The following ACOT9 variants were observed in gnomAD, a reference collection of about 807,000 sequenced individuals.
ACOT9 encodes the protein acyl-CoA thioesterase 9, also known as acyl-coenzyme A thioesterase 9, mitochondrial.
ACOT9 carries 34 observed loss-of-function variants against 39.7 expected under a neutral mutation model. That is an observed-to-expected ratio of 0.86 (90% CI 0.65 to 1.14). ACOT9 has a LOEUF of 1.14. Among genes scored for constraint, ACOT9 ranks in the 50% most tolerant of loss-of-function variants. The pLI, the probability that ACOT9 is intolerant of heterozygous loss-of-function variation, is 0.00. For synonymous variants in ACOT9, 110 were observed against 120.5 expected, an observed-to-expected ratio of 0.91 and a Z score of 0.57; for missense variants, 313 against 344.1, an observed-to-expected ratio of 0.91 and a Z score of 0.71.
chrX:23,742,432 G>A (rs977217096), intron 1 of ACOT9, among the ~76,000 whole-genome samples: 1 of 110,855 alleles, frequency 9.0e-6, no homozygotes, highest in African/African-American at 3.3e-5. Context: ...TCGGGTGAAA[G>A]GGATTAGGGA....
chrX:23,738,484 C>G (rs774587198), intron 1 of ACOT9, among the ~76,000 whole-genome samples: 3 of 109,858 alleles, frequency 2.7e-5, no homozygotes, highest in Non-Finnish European at 5.7e-5. Context: ...TGGCGCACAC[C>G]TGTAGTCCCA....
intron 8 of ACOT9, among the ~76,000 whole-genome samples, chrX:23,719,224 C>T (rs1040761388): frequency 9.0e-6 from 1 of 111,578 alleles, no homozygotes; most frequent in Non-Finnish European, 1.9e-5. Context: ...AAGCTGAGAT[C>T]GCGCCACTAC....
chrX:23,717,667 A>G (rs924322089), intron 8 of ACOT9, among the ~76,000 whole-genome samples: 6 of 111,303 alleles, frequency 5.4e-5, no homozygotes, highest in Admixed American at 2.9e-4. Flanking sequence ...CATACTGTTT[A>G]TTGGAACTTG....
chrX:23,723,943 G>T (rs1313011120), intron 6 of ACOT9, among the ~76,000 whole-genome samples: 1 of 112,363 alleles, frequency 8.9e-6, no homozygotes, highest in African/African-American at 3.2e-5. Context: ...GCTTGCATAG[G>T]TAAGCGTGGT....
intron 6 of ACOT9, among the ~76,000 whole-genome samples, chrX:23,727,682 TAAC>T (rs1466050862): frequency 1.8e-5 from 2 of 109,178 alleles, no homozygotes; most frequent in African/African-American, 6.7e-5. Context: ...GGCGTAAGCT[TAAC>T]AACAAGCTTG....
chrX:23,730,555 C>A lies in ACOT9; in HGVS notation c.372G>T (p.Arg124Ser). 1 of 1,207,891 alleles carries A rather than the reference C, an allele frequency of 8.3e-7. No homozygotes were observed. The highest frequency in any genetic ancestry group is 1.1e-6 in the Non-Finnish European group (1 of 892,486). The change falls in exon 6 of 16, where the codon AGG becomes AGT. Residue 124 changes from arginine to serine, a missense_variant. Physicochemically the swap from Arg to Ser is moderately radical, Grantham distance 110. Coordinates refer to ENST00000379303, the MANE Select transcript of ACOT9 (RefSeq NM_001037171.2). ...CCAAGCTGTCAAGATCCTCAAGAAT[C>A]CTGCCAAATCTGTGAAATAAAGCAA... Reference protein sequence around the residue: ...LTVQNTVRFGRILEDLDSLGV... With the variant: ...LTVQNTVRFGSILEDLDSLGV...
At chrX:23,704,650 G>A (rs1395001313) in intron 15 of ACOT9, 44 bp downstream of exon 15, 11 of 1,181,239 alleles carry the variant, frequency 9.3e-6, no homozygotes, top group Non-Finnish European at 1.3e-5. Flanking sequence ...AATGTCCTTA[G>A]AAGTTCTTCC....
rs915139783 is a variant in ACOT9, at chrX:23,703,730, G to T, written c.*164C>A. On this transcript the variant is annotated 3_prime_UTR_variant, in exon 16 of 16. Transcript: ENST00000379303. ...ATTCTTTCTCCCCTCAGCCCCATCC[G>T]GCCACTCTCTCTTTCTGCTTTTCTG... 12 of 405,723 alleles carry T rather than the reference G, an allele frequency of 3.0e-5. No homozygotes were observed. The highest frequency in any genetic ancestry group is 4.8e-5 in the Non-Finnish European group (11 of 230,074). The allele number at this position is 405,723 out of a possible 1,213,427, so 33.4% of individuals were successfully genotyped here.
At chrX:23,717,503 C>G (rs1356494879) in intron 8 of ACOT9, among the ~76,000 whole-genome samples, 1 of 111,475 alleles carries the variant, frequency 9.0e-6, no homozygotes, top group Non-Finnish European at 1.9e-5. Flanking sequence ...GAATAAAACA[C>G]AGGGCCAAAA....
rs780073357 is a variant in ACOT9 at position 23,722,765 on chromosome X, C to CAG, written c.401-14_401-13dup. 72 of 1,105,089 alleles carry CAG rather than the reference C, an allele frequency of 6.5e-5. No individual in the cohort carries two copies. Among genetic ancestry groups the CAG allele is most frequent in the Non-Finnish European group, 4.1e-5 (33 of 812,623 alleles). The allele number at this position is 1,105,089 out of a possible 1,213,427, so 91.1% of individuals were successfully genotyped here. A position where few individuals can be genotyped will look rare whatever the true frequency, so the allele number is the denominator to read the frequency against. On this transcript the variant is annotated splice_polypyrimidine_tract_variant and intron_variant, in intron 6 of 15. Coordinates refer to ENST00000379303, the MANE Select transcript of ACOT9 (RefSeq NM_001037171.2). ...GTAACAAATAAGAACTGCAGGGAAA[C>CAG]AGGAGTGTACCAAATTTTAAAAAGG...
At position 23,734,266 on chromosome X, in the gene ACOT9, A is replaced by G. The variant is rs190119757; in HGVS notation, c.145+75T>C. Reference sequence around the variant, plus strand: ...CAATTTTAGTTAATGCCACTGCCCAAAAGTGCAAGCGTATATTAGTGCTTA... The same window carrying G: ...CAATTTTAGTTAATGCCACTGCCCAGAAGTGCAAGCGTATATTAGTGCTTA... On this transcript the variant is annotated intron_variant, in intron 3 of 15. Transcript: ENST00000379303. The G allele has an allele frequency of 8.4e-4, 770 of 919,704 alleles. 7 individuals are homozygous for G. The South Asian group carries it at 0.018, about 22-fold the overall frequency. 75.8% of individuals were successfully genotyped at this position (919,704 alleles called of 1,213,427 possible).
At chrX:23,737,539 A>AC (rs758305364) in intron 1 of ACOT9, among the ~76,000 whole-genome samples, 68 of 112,367 alleles carry the variant, frequency 6.1e-4, no homozygotes, top group African/African-American at 2.1e-3. Context: ...TATTTACAGT[A>AC]TTCTGTAAAA....
At chrX:23,736,602 T>C (rs1929955775) in intron 1 of ACOT9, among the ~76,000 whole-genome samples, 1 of 111,569 alleles carries the variant, frequency 9.0e-6, no homozygotes, top group South Asian at 3.7e-4. Flanking sequence ...GTAGACAGGT[T>C]GAGCCCAGGA....
intron 8 of ACOT9, 123 bp downstream of exon 8, chrX:23,721,758 A>G (rs747898987): frequency 7.4e-5 from 36 of 487,412 alleles, no homozygotes; most frequent in Non-Finnish European, 1.1e-4. Context: ...TGAGCTTTCA[A>G]CTGTTTTTCT....
At chrX:23,719,351 A>AT (rs1929206432) in intron 8 of ACOT9, among the ~76,000 whole-genome samples, 1 of 112,390 alleles carries the variant, frequency 8.9e-6, no homozygotes, top group African/African-American at 3.2e-5. Context: ...ATAGTACTGA[A>AT]TAAAAAAAAT....
intron 8 of ACOT9, among the ~76,000 whole-genome samples, chrX:23,716,899 G>A (rs937002230): frequency 4.5e-5 from 5 of 110,512 alleles, no homozygotes; most frequent in African/African-American, 1.6e-4. Context: ...CTGTCGCCGA[G>A]GCTGGGGTGC....
chrX:23,734,052 C>G (rs1601821329), intron 3 of ACOT9, among the ~76,000 whole-genome samples: 1 of 111,783 alleles, frequency 8.9e-6, no homozygotes, highest in South Asian at 3.7e-4. Flanking sequence ...TGAGCCACTG[C>G]GCCTGGCCCC....
intron 1 of ACOT9, among the ~76,000 whole-genome samples, chrX:23,740,717 T>TACACACACACACAC (rs67075682): frequency 6.5e-4 from 60 of 92,097 alleles, no homozygotes; most frequent in East Asian, 2.6e-3. Flanking sequence ...CCCCAATACA[T>TACACACACACACAC]ACACACACAC....
chrX:23,731,048 T>C (rs967483275), intron 4 of ACOT9, 62 bp from the exon 5 acceptor site: 2 of 988,890 alleles, frequency 2.0e-6, no homozygotes, highest in East Asian at 3.1e-5. Flanking sequence ...ATTCCAGTGG[T>C]ACACAGGCCA....
Sources: allele counts gnomAD v4.1 joint callset (sites outside exome capture counted in the v4.1 genomes callset), GRCh38; gene constraint gnomAD v4.1.1; transcripts MANE v1.5; gene names NCBI Gene and HGNC (gene_info 2026-07-23, HGNC 2026-07-21).